NAV1: variants seen among roughly 807,000 people sequenced by gnomAD.
NAV1 encodes neuron navigator 1.
In NAV1, 18 loss-of-function variants were observed where a neutral mutation model predicts 175.2. The ratio of observed to expected loss-of-function variants is 0.10; its 90% confidence interval spans 0.07 to 0.15. The LOEUF is 0.15. Ranked by LOEUF, NAV1 falls within the 10% of genes least tolerant of loss-of-function variation. NAV1 has a pLI of 1.00. For synonymous variants in NAV1, 897 were observed against 978.7 expected (o/e 0.92, Z 1.56); for missense variants, 1,731 against 2,436.6 (o/e 0.71, Z 6.10).
At chr1:201,675,203 C>G (rs1408448360) in intron 1 of NAV1, among the ~76,000 whole-genome samples, 1 of 152,122 alleles carries the variant, frequency 6.6e-6, no homozygotes, top group Non-Finnish European at 1.5e-5. Context: ...CCAATCTGTC[C>G]ACCACCATGT....
rs571744653 is a variant in NAV1, at chr1:201,699,452, A to G, written c.758-13365A>G. ...AATGAAATAAAAGAGGATACAAACA[A>G]ATGGAAGAACATTCCATGCTCATGG... On this transcript the variant is annotated intron_variant, in intron 1 of 29. Coordinates refer to ENST00000367296, the Ensembl canonical transcript of NAV1. Among the ~76,000 whole-genome samples the G allele has an allele frequency of 2.6e-5, 4 of 152,354 alleles. No individual in the cohort carries two copies. In the South Asian group the frequency reaches 6.2e-4, roughly 24 times the overall value.
At chr1:201,543,996 T>C (rs1459962962) in intron 1 of NAV1, among the ~76,000 whole-genome samples, 2 of 152,230 alleles carry the variant, frequency 1.3e-5, no homozygotes, top group African/African-American at 4.8e-5. Context: ...GGGCCACCAC[T>C]GGCCCTGATG....
At chr1:201,784,567 C>CAA (rs1162794675) in intron 7 of NAV1, among the ~76,000 whole-genome samples, 2,834 of 109,730 alleles carry the variant, frequency 0.026, 97 homozygotes, top group African/African-American at 0.083. Context: ...ATAATACGAT[C>CAA]TATTTTTTTT....
chr1:201,779,651 A>G (rs2102703010), intron 3 of NAV1, among the ~76,000 whole-genome samples: 1 of 151,208 alleles, frequency 6.6e-6, no homozygotes, highest in East Asian at 1.9e-4. Context: ...TGTAGAGCTC[A>G]AGCTACAAAG....
At chr1:201,657,863 C>T (rs34857420) in intron 1 of NAV1, among the ~76,000 whole-genome samples, 1 of 151,998 alleles carries the variant, frequency 6.6e-6, no homozygotes, top group African/African-American at 2.4e-5. Context: ...AAAACCCTGT[C>T]TCTACTAAAA....
upstream of NAV1, among the ~76,000 whole-genome samples, chr1:201,643,250 C>T (rs1206363640): frequency 1.4e-5 from 2 of 140,358 alleles, no homozygotes; most frequent in Non-Finnish European, 3.0e-5. Flanking sequence ...TTCCTTCCTT[C>T]CTCCCTCCTT....
At chr1:201,602,307 C>T (rs1667540700) in intron 2 of NAV1, among the ~76,000 whole-genome samples, 1 of 152,154 alleles carries the variant, frequency 6.6e-6, no homozygotes, top group Non-Finnish European at 1.5e-5. Flanking sequence ...CTTAAAGTTG[C>T]AATTCGGTTC....
At chr1:201,677,978 A>C (rs1670319594) in intron 1 of NAV1, among the ~76,000 whole-genome samples, 1 of 152,008 alleles carries the variant, frequency 6.6e-6, no homozygotes, top group African/African-American at 2.4e-5. Flanking sequence ...ATGCTGCCCC[A>C]TTCTGCTTCC....
chr1:201,744,725 G>A (rs1673659601), intron 3 of NAV1, among the ~76,000 whole-genome samples: 1 of 152,134 alleles, frequency 6.6e-6, no homozygotes, highest in Admixed American at 6.5e-5. Context: ...GAAACTAAGA[G>A]TTTTCCAGAG....
chr1:201,640,314 C>T (rs1668714549), intron 2 of NAV1, among the ~76,000 whole-genome samples: 2 of 152,198 alleles, frequency 1.3e-5, no homozygotes, highest in Non-Finnish European at 2.9e-5. Flanking sequence ...AAGGCAGTGG[C>T]TGGGCTAATG....
chr1:201,611,816 C>A (rs1395295574), intron 2 of NAV1, among the ~76,000 whole-genome samples: 1 of 152,164 alleles, frequency 6.6e-6, no homozygotes. Context: ...CCTCCTCACC[C>A]TGGGCTGGGT....
At chr1:201,664,294 A>G (rs1379274144) in intron 1 of NAV1, among the ~76,000 whole-genome samples, 3 of 152,190 alleles carry the variant, frequency 2.0e-5, no homozygotes, top group African/African-American at 7.2e-5. Context: ...GTGAGCTGAG[A>G]TCGCGTCACT....
chr1:201,740,092 C>A lies in NAV1; in HGVS notation c.1226+21337C>A. 1 of 1,439,404 alleles carries A rather than the reference C, an allele frequency of 6.9e-7. No homozygotes were observed. The highest frequency in any genetic ancestry group is 1.5e-5 in the South Asian group (1 of 65,822). 89.2% of individuals were successfully genotyped at this position (1,439,404 alleles called of 1,614,324 possible). A position where few individuals can be genotyped will look rare whatever the true frequency, so the allele number is the denominator to read the frequency against. ...TCCCCCGCAGGTAAGCGCCCCCACC[C>A]CCCTGGCCTCACCGCCAGACCGCAG... On this transcript the variant is annotated intron_variant, in intron 3 of 29. Coordinates refer to ENST00000367296, the Ensembl canonical transcript of NAV1. The surrounding 1 kb of genome is among the most constrained non-coding windows in gnomAD (Gnocchi z 4.7).
rs377098864 is a variant in NAV1 at position 201,556,446 on chromosome 1, A to G, written c.-144+17104A>G. On this transcript the variant is annotated intron_variant, in intron 1 of 33. Transcript: ENST00000685211. ...AAAGAAAAAAAAAAAAAGGTCTGGT[A>G]AGCAAACCAGTGATTACACCCCAGT... Among the ~76,000 whole-genome samples the G allele has an allele frequency of 5.1e-4, 77 of 151,624 alleles. 2 individuals are homozygous for G. The highest frequency in any genetic ancestry group is 1.8e-3 in the African/African-American group (76 of 41,342).
At chr1:201,562,108 G>A (rs575771874) in intron 1 of NAV1, among the ~76,000 whole-genome samples, 1 of 151,888 alleles carries the variant, frequency 6.6e-6, no homozygotes, top group East Asian at 1.9e-4. Flanking sequence ...GGGCTCAGGC[G>A]GTTCTCCCAC....
intron 15 of NAV1, among the ~76,000 whole-genome samples, chr1:201,801,491 AT>A (rs1038476090): frequency 4.0e-5 from 6 of 151,894 alleles, no homozygotes; most frequent in Non-Finnish European, 8.8e-5. Flanking sequence ...TTTTTAAAAT[AT>A]TTTTTTAAAT....
intron 1 of NAV1, among the ~76,000 whole-genome samples, chr1:201,584,596 G>A (rs1293162866): frequency 5.9e-5 from 9 of 152,210 alleles, no homozygotes; most frequent in Non-Finnish European, 1.2e-4. Context: ...TCAGCAGCTG[G>A]TTCCAGCTTG....
At chr1:201,604,338 G>T (rs1667608042) in intron 2 of NAV1, among the ~76,000 whole-genome samples, 1 of 152,178 alleles carries the variant, frequency 6.6e-6, no homozygotes, top group African/African-American at 2.4e-5. Context: ...TTACAGGTGT[G>T]AGCCACCGTG....
In NAV1 at chr1:201,811,767, C is replaced by T; in HGVS notation, c.4952+10C>T. 6.2e-7 allele frequency: 1 copy of T among 1,603,026 alleles called. No individual in the cohort carries two copies. Among genetic ancestry groups the T allele is most frequent in the Non-Finnish European group, 8.5e-7 (1 of 1,174,028 alleles). ...GCAAGTATCATAAATGGTAAGTAAG[C>T]TGGGATCAAGACAAAATTCATCGAA... On this transcript the variant is annotated intron_variant, in intron 25 of 29. Transcript: ENST00000367296.
Sources: allele counts gnomAD v4.1 joint callset (sites outside exome capture counted in the v4.1 genomes callset), GRCh38; gene constraint gnomAD v4.1.1; non-coding constraint Gnocchi (gnomAD v3.1); transcripts MANE v1.5; gene names NCBI Gene and HGNC (gene_info 2026-07-23, HGNC 2026-07-21).